The following SH3GL2 variants were observed in gnomAD, a reference collection of about 807,000 sequenced individuals.
SH3GL2 encodes the protein endophilin-A1.
A neutral mutation model predicts 46.0 loss-of-function variants in SH3GL2; 24 were observed. The ratio of observed to expected loss-of-function variants is 0.52; its 90% confidence interval spans 0.38 to 0.73. The LOEUF is 0.73. Ranked by LOEUF, SH3GL2 falls within the 30% of genes least tolerant of loss-of-function variation. The pLI, the probability that SH3GL2 is intolerant of heterozygous loss-of-function variation, is 0.00. For synonymous variants in SH3GL2, 196 were observed against 147.1 expected (o/e 1.33, Z -2.40); for missense variants, 413 against 424.2 (o/e 0.97, Z 0.23).
At chr9:17,674,208 A>AC (rs1820546514) in intron 1 of SH3GL2, among the ~76,000 whole-genome samples, 1 of 152,200 alleles carries the variant, frequency 6.6e-6, no homozygotes, top group Admixed American at 6.5e-5. Flanking sequence ...TCACCAGATC[A>AC]CCCCAAAACT....
chr9:17,777,073 T>G (rs9407862), intron 3 of SH3GL2, among the ~76,000 whole-genome samples: 17,737 of 152,190 alleles, frequency 0.12, 1,141 homozygotes, highest in Admixed American at 0.15. Context: ...TTAGGGACCT[T>G]CCTCTTCTTT....
At chr9:17,660,604 C>G (rs372415776) in intron 1 of SH3GL2, among the ~76,000 whole-genome samples, 1 of 152,060 alleles carries the variant, frequency 6.6e-6, no homozygotes, top group Non-Finnish European at 1.5e-5. Flanking sequence ...GATTTCAGCC[C>G]TGAACTAGAA....
intron 5 of SH3GL2, 135 bp from the exon 6 acceptor site, chr9:17,789,257 T>C: frequency 1.5e-6 from 1 of 658,478 alleles, no homozygotes. Flanking sequence ...TGTTTCTTTA[T>C]TTCTCTGGTG....
At chr9:17,730,605 A>G (rs1822151724) in intron 1 of SH3GL2, among the ~76,000 whole-genome samples, 1 of 152,126 alleles carries the variant, frequency 6.6e-6, no homozygotes, top group African/African-American at 2.4e-5. Flanking sequence ...TTTGTCATAA[A>G]TAGCTCTTAT....
At chr9:17,656,462 G>T (rs1469111268) in intron 1 of SH3GL2, among the ~76,000 whole-genome samples, 1 of 151,928 alleles carries the variant, frequency 6.6e-6, no homozygotes, top group Admixed American at 6.6e-5. Context: ...TTTGTAGATT[G>T]CAAGTAACGT....
At chr9:17,753,898 C>T (rs528947230) in intron 2 of SH3GL2, among the ~76,000 whole-genome samples, 1 of 152,182 alleles carries the variant, frequency 6.6e-6, no homozygotes, top group Non-Finnish European at 1.5e-5. Context: ...CTGCATATGG[C>T]TAGCCAGTTA....
chr9:17,687,048 G>C (rs1462257659), intron 1 of SH3GL2, among the ~76,000 whole-genome samples: 1 of 151,994 alleles, frequency 6.6e-6, no homozygotes, highest in African/African-American at 2.4e-5. Flanking sequence ...GGAGTGATAA[G>C]AATGATCCCA....
At position 17,796,805 on chromosome 9, in the gene SH3GL2, A is replaced by T. The variant is rs1257017086; in HGVS notation, c.*1062A>T. Reference sequence around the variant, plus strand: ...TTAGCAGTTTAAGGTATATGGCTGCATATGCAAAACTCTTTCCCAATTCAG... The same window carrying T: ...TTAGCAGTTTAAGGTATATGGCTGCTTATGCAAAACTCTTTCCCAATTCAG... On this transcript the variant is annotated 3_prime_UTR_variant, in exon 9 of 9. Transcript: ENST00000380607. 2 of 152,808 alleles carry T rather than the reference A, an allele frequency of 1.3e-5. No homozygotes were observed. Among genetic ancestry groups the T allele is most frequent in the East Asian group, 3.9e-4 (2 of 5,186 alleles). 9.5% of individuals were successfully genotyped at this position (152,808 alleles called of 1,614,324 possible).
intron 1 of SH3GL2, among the ~76,000 whole-genome samples, chr9:17,616,195 T>C (rs3808755): frequency 0.61 from 92,032 of 151,906 alleles, 28,627 homozygotes; most frequent in East Asian, 0.87. Flanking sequence ...CACTTATGTT[T>C]CTGGAAAAAA....
At chr9:17,650,786 T>C (rs1819937088) in intron 1 of SH3GL2, among the ~76,000 whole-genome samples, 1 of 152,244 alleles carries the variant, frequency 6.6e-6, no homozygotes, top group Non-Finnish European at 1.5e-5. Context: ...CTTGTGAGAT[T>C]GCTCATGATA....
At chr9:17,702,544 C>T (rs970095922) in intron 1 of SH3GL2, among the ~76,000 whole-genome samples, 2 of 152,042 alleles carry the variant, frequency 1.3e-5, no homozygotes, top group African/African-American at 4.8e-5. Flanking sequence ...CTCCCAATTT[C>T]AACCATTTCA....
At chr9:17,612,410 AATCTCAGACCCT>A (rs1818888481) in intron 1 of SH3GL2, among the ~76,000 whole-genome samples, 1 of 152,052 alleles carries the variant, frequency 6.6e-6, no homozygotes. Flanking sequence ...TGAACTGCTG[AATCTCAGACCCT>A]ATCTCAGACC....
At position 17,716,234 on chromosome 9, in the gene SH3GL2, C is replaced by A. The variant is rs74672468; in HGVS notation, c.46-30832C>A. On this transcript the variant is annotated intron_variant, in intron 1 of 8. Coordinates refer to ENST00000380607, the MANE Select transcript of SH3GL2 (RefSeq NM_003026.5). ...GGATCTTTTATTTTTTGCTTCTTTG[C>A]AATGCCTAATAATCTTTAGTTGTAC... Among the ~76,000 whole-genome samples, 634 of 152,194 alleles carry A rather than the reference C, an allele frequency of 4.2e-3. 8 individuals are homozygous for A. The highest frequency in any genetic ancestry group is 0.013 in the African/African-American group (532 of 41,542).
At position 17,638,515 on chromosome 9, in the gene SH3GL2, T is replaced by A. The variant is rs1819599522; in HGVS notation, c.45+59228T>A. 3.9e-5 allele frequency among the ~76,000 whole-genome samples: 6 copies of A among 152,286 alleles called. No individual in the cohort carries two copies. The South Asian group carries it at 1.2e-3, about 32-fold the overall frequency. ...ACCAAATGATGAGGTGAAGACTGGT[T>A]GGGAGTGATAGAAAATTATTTTGGA... is the stretch of plus-strand genomic sequence containing the variant. On this transcript the variant is annotated intron_variant, in intron 1 of 8. Transcript: ENST00000380607.
chr9:17,757,971 G>A (rs965519231), intron 2 of SH3GL2, among the ~76,000 whole-genome samples: 4 of 152,212 alleles, frequency 2.6e-5, no homozygotes, highest in African/African-American at 7.2e-5. Context: ...AAGAGTCCTG[G>A]GCATTATTAT....
chr9:17,691,209 C>T (rs1200107550), intron 1 of SH3GL2, among the ~76,000 whole-genome samples: 5 of 152,106 alleles, frequency 3.3e-5, no homozygotes, highest in African/African-American at 4.8e-5. Context: ...TGTTTATTTC[C>T]TGTTCCAGTT....
chr9:17,712,012 G>T (rs1198933391), intron 1 of SH3GL2, among the ~76,000 whole-genome samples: 1 of 151,762 alleles, frequency 6.6e-6, no homozygotes, highest in Non-Finnish European at 1.5e-5. Flanking sequence ...ACTCTGATAG[G>T]TGTGCAGTGG....
chr9:17,631,093 T>A (rs1357333639), intron 1 of SH3GL2, among the ~76,000 whole-genome samples: 1 of 152,094 alleles, frequency 6.6e-6, no homozygotes, highest in South Asian at 2.1e-4. Context: ...TAGTTTTAAT[T>A]TGAGTTATAG....
chr9:17,778,351 A>T (rs1411671800), intron 3 of SH3GL2, among the ~76,000 whole-genome samples: 1 of 152,150 alleles, frequency 6.6e-6, no homozygotes, highest in Admixed American at 6.6e-5. Flanking sequence ...GAAGGATGAG[A>T]CTGATAGAGA....
Sources: allele counts gnomAD v4.1 joint callset (sites outside exome capture counted in the v4.1 genomes callset), GRCh38; gene constraint gnomAD v4.1.1; transcripts MANE v1.5; gene names NCBI Gene and HGNC (gene_info 2026-07-23, HGNC 2026-07-21).